Variants in ANXA6 observed in about 807,000 individuals in gnomAD.
ANXA6 encodes 67 kDa calelectrin.
In ANXA6, 71 loss-of-function variants were observed where a neutral mutation model predicts 95.4. That is an observed-to-expected ratio of 0.74 (90% CI 0.61 to 0.91). The LOEUF (loss-of-function observed/expected upper bound fraction) is 0.91. Ranked by LOEUF, ANXA6 falls within the 40% of genes least tolerant of loss-of-function variation. ANXA6 has a pLI of 0.00. For missense variants in ANXA6, 830 were observed against 876.4 expected (o/e 0.95, Z 0.67); for synonymous variants, 289 against 315.9 (o/e 0.91, Z 0.90).
chr5:151,120,616 G>T (rs540146432), intron 17 of ANXA6, among the ~76,000 whole-genome samples: 25 of 152,230 alleles, frequency 1.6e-4, no homozygotes, highest in Admixed American at 5.9e-4. Flanking sequence ...CTACTCAGGA[G>T]GCTGAGGCAG....
intron 9 of ANXA6, 79 bp from the exon 10 acceptor site, chr5:151,132,650 G>A (rs1765549541): frequency 2.5e-6 from 3 of 1,221,220 alleles, no homozygotes; most frequent in Non-Finnish European, 3.5e-6. Context: ...AAGAGCAGGG[G>A]GGCACAGTGG....
At chr5:151,132,884 G>A (rs1476356032) in intron 9 of ANXA6, among the ~76,000 whole-genome samples, 1 of 150,802 alleles carries the variant, frequency 6.6e-6, no homozygotes, top group East Asian at 2.0e-4. Flanking sequence ...TTAGGTTGGT[G>A]CAAAAGTAAT....
At chr5:151,127,751 G>C (rs552229588) in intron 13 of ANXA6, among the ~76,000 whole-genome samples, 1 of 152,198 alleles carries the variant, frequency 6.6e-6, no homozygotes, top group Non-Finnish European at 1.5e-5. Context: ...TTCATCAGGG[G>C]CTTCCTCACA....
intron 24 of ANXA6, among the ~76,000 whole-genome samples, chr5:151,104,626 G>A (rs1764644298): frequency 6.6e-6 from 1 of 152,228 alleles, no homozygotes. Context: ...TTTGGAGACT[G>A]TAGGGTGAGG....
chr5:151,101,347 T>TCCCCCCCC lies in ANXA6; in HGVS notation c.*100_*101insGGGGGGGG. The stretch of plus-strand genomic sequence containing the variant: ...CCAACCCAACCCCTCCCCCCACCCC[T>TCCCCCCCC]GCCCCTTCCTTAGTCTCTGGAGCTG... On this transcript the variant is annotated 3_prime_UTR_variant, in exon 26 of 26. Transcript: ENST00000354546. 1 of 155,908 alleles carries TCCCCCCCC rather than the reference T, an allele frequency of 6.4e-6. No homozygotes were observed. Among genetic ancestry groups the TCCCCCCCC allele is most frequent in the South Asian group, 4.6e-5 (1 of 21,872 alleles). The allele number at this position is 155,908 out of a possible 1,614,324, so 9.7% of individuals were successfully genotyped here.
intron 16 of ANXA6, 97 bp downstream of exon 16, chr5:151,122,820 C>T: frequency 9.3e-7 from 1 of 1,070,502 alleles, no homozygotes; most frequent in Non-Finnish European, 1.4e-6. Context: ...CCATGAAGAC[C>T]CTGGTGCCCA....
At chr5:151,124,432 C>G in intron 14 of ANXA6, 65 bp from the exon 15 acceptor site, 1 of 1,505,566 alleles carries the variant, frequency 6.6e-7, no homozygotes, top group Non-Finnish European at 9.1e-7. Flanking sequence ...GGCTGAAAGA[C>G]AGCATGCGAG....
In ANXA6 at chr5:151,111,954, AT is replaced by A. The variant is rs111874839; in HGVS notation, c.1573-1311del. On this transcript the variant is annotated intron_variant, in intron 20 of 25. Transcript: ENST00000354546. ...CATGTGCATGCCACCAGCCCAGTTA[AT>A]TTTTTTTTTTTTGTATTTTTAGTAG... Among the ~76,000 whole-genome samples the A allele has an allele frequency of 3.3e-3, 477 of 145,016 alleles. 2 individuals carry two copies. The highest frequency in any genetic ancestry group is 0.02 in the South Asian group (90 of 4,570).
intron 18 of ANXA6, among the ~76,000 whole-genome samples, chr5:151,119,045 C>T (rs552350012): frequency 6.6e-6 from 1 of 152,364 alleles, no homozygotes; most frequent in African/African-American, 2.4e-5. Flanking sequence ...GTCGCCCTCC[C>T]TCTCTCCAGC....
At chr5:151,156,411 G>A (rs1378810181) in intron 1 of ANXA6, among the ~76,000 whole-genome samples, 2 of 152,196 alleles carry the variant, frequency 1.3e-5, no homozygotes, top group African/African-American at 2.4e-5. Flanking sequence ...GTGGCTCAGG[G>A]CCTGCCTGCT....
chr5:151,126,343 A>G, intron 14 of ANXA6, 59 bp downstream of exon 14: 1 of 1,452,210 alleles, frequency 6.9e-7, no homozygotes, highest in Non-Finnish European at 9.5e-7. Context: ...GAGCAGCAGG[A>G]AGGTGCAAGC....
At chr5:151,115,151 A>G (rs1469386283) in intron 20 of ANXA6, among the ~76,000 whole-genome samples, 3 of 152,254 alleles carry the variant, frequency 2.0e-5, no homozygotes, top group African/African-American at 7.2e-5. Context: ...AAAATGCAAC[A>G]ATATTCACAT....
chr5:151,105,249 A>G lies in ANXA6; in HGVS notation c.1835T>C (p.Met612Thr), dbSNP rs753583716. The change falls in exon 24 of 26, where the codon ATG becomes ACG. Residue 612 changes from methionine to threonine, a missense_variant. Physicochemically the swap from Met to Thr is moderately conservative, Grantham distance 81. Coordinates refer to ENST00000354546, the MANE Select transcript of ANXA6 (RefSeq NM_001155.5). Reference protein sequence around the residue: ...LFFADKLYKSMKGAGTDEKTL... With the variant: ...LFFADKLYKSTKGAGTDEKTL... The stretch of plus-strand genomic sequence containing the variant: ...AACGCCAGCATGTTTTCTTACCTTC[A>G]TGGATTTGTAAAGTTTGTCGGCAAA... 1.9e-6 allele frequency: 3 copies of G among 1,613,874 alleles called. No homozygotes were observed. Among genetic ancestry groups the G allele is most frequent in the South Asian group, 2.2e-5 (2 of 91,076 alleles).
intron 3 of ANXA6, 52 bp from the exon 4 acceptor site, chr5:151,139,499 C>T (rs1412696970): frequency 7.7e-7 from 1 of 1,301,400 alleles, no homozygotes; most frequent in Non-Finnish European, 1.1e-6. Context: ...TCCAGGAAGC[C>T]CACCAGGGCC....
At chr5:151,157,169 A>G (rs1766258280) in intron 1 of ANXA6, among the ~76,000 whole-genome samples, 1 of 152,112 alleles carries the variant, frequency 6.6e-6, no homozygotes, top group African/African-American at 2.4e-5. Flanking sequence ...GTACGACCGG[A>G]CGTTCAGCTC....
Position 151,136,298 on chromosome 5 carries a change from G to T in ANXA6, c.447C>A (p.Asp149Glu). The change falls in exon 7 of 26, where the codon GAC (aspartate) becomes GAA (glutamate). Residue 149 changes from aspartate to glutamate, a missense_variant. Coordinates refer to ENST00000354546, the MANE Select transcript of ANXA6 (RefSeq NM_001155.5). ...ERDLEADIIG[D>E]TSGHFQKMLV... is the part of the protein sequence containing the mutation. The stretch of plus-strand genomic sequence containing the variant: ...GCATCTTCTGGAAGTGGCCAGAGGT[G>T]TCGCCGATGATGTCAGCCTCCAGGT... 1 of 1,613,958 alleles carries T rather than the reference G, an allele frequency of 6.2e-7. No individual in the cohort carries two copies. The highest frequency in any genetic ancestry group is 1.7e-5 in the Admixed American group (1 of 60,020).
chr5:151,127,718 C>G (rs1401576777), intron 13 of ANXA6, among the ~76,000 whole-genome samples: 1 of 152,218 alleles, frequency 6.6e-6, no homozygotes, highest in Admixed American at 6.5e-5. Context: ...GGAAACTGGT[C>G]TATACCCTTC....
At chr5:151,142,084 G>A (rs925085053) in intron 2 of ANXA6, among the ~76,000 whole-genome samples, 6 of 152,220 alleles carry the variant, frequency 3.9e-5, no homozygotes, top group East Asian at 3.8e-4. Flanking sequence ...GGGTCCTCCA[G>A]GAATTTCACT....
intron 20 of ANXA6, among the ~76,000 whole-genome samples, chr5:151,116,420 A>G (rs1355425774): frequency 2.0e-5 from 3 of 152,224 alleles, no homozygotes; most frequent in African/African-American, 7.2e-5. Context: ...CACTGGCCTC[A>G]GTAGGGACTG....
Sources: allele counts gnomAD v4.1 joint callset (sites outside exome capture counted in the v4.1 genomes callset), GRCh38; gene constraint gnomAD v4.1.1; transcripts MANE v1.5; gene names NCBI Gene and HGNC (gene_info 2026-07-23, HGNC 2026-07-21).